Variants in ZNF536 observed in about 807,000 individuals in gnomAD.
The protein encoded by ZNF536 is zinc finger protein 536.
A neutral mutation model predicts 84.5 loss-of-function variants in ZNF536; 13 were observed. The ratio of observed to expected loss-of-function variants is 0.15; its 90% CI spans 0.10 to 0.24. ZNF536 has a LOEUF of 0.24. Among genes scored for constraint, ZNF536 ranks in the 10% least tolerant of loss-of-function variants. ZNF536 has a pLI of 1.00. For missense variants in ZNF536, 1,536 were observed against 1,747.5 expected (o/e 0.88, Z 2.16); for synonymous variants, 811 against 742.5 (o/e 1.09, Z -1.50).
chr19:30,553,939 A>T (rs2045873814), intron 4 of ZNF536: 1 of 152,208 alleles, frequency 6.6e-6, no homozygotes, highest in Non-Finnish European at 1.5e-5. Flanking sequence ...GTGAGGGAGA[A>T]TGCAAGCCCA....
chr19:30,600,462 G>A (rs549240370), intron 1 of ZNF536, among the ~76,000 whole-genome samples: 5 of 152,288 alleles, frequency 3.3e-5, no homozygotes, highest in African/African-American at 4.8e-5. Flanking sequence ...CTCAAGGCCA[G>A]AGCTAAGGAG....
chr19:30,669,713 A>T (rs1398449551), intron 1 of ZNF536, among the ~76,000 whole-genome samples: 1 of 152,224 alleles, frequency 6.6e-6, no homozygotes, highest in Non-Finnish European at 1.5e-5. Flanking sequence ...GAGGGCACCA[A>T]CTGACAAACA....
intron 1 of ZNF536, among the ~76,000 whole-genome samples, chr19:30,259,457 G>T (rs1361408254): frequency 6.6e-6 from 1 of 152,200 alleles, no homozygotes; most frequent in Non-Finnish European, 1.5e-5. Flanking sequence ...CAAATCCCGG[G>T]CCTCACCCCA....
rs2148199118 is a variant in ZNF536, at chr19:30,444,804, C to T, written c.1242C>T (p.Pro414=). ...KSPSDPEVPV[P]MGGMSQEAHA... ...CCAGCGACCCCGAGGTGCCTGTGCCCATGGGCGGCATGTCCCAGGAGGCCC... is the reference window on the plus strand; with the variant it reads ...CCAGCGACCCCGAGGTGCCTGTGCCTATGGGCGGCATGTCCCAGGAGGCCC... Residue 414 remains proline (P), a synonymous_variant, in exon 2 of 5, where the codon CCC becomes CCT. Transcript: ENST00000355537. The T allele has an allele frequency of 1.2e-6, 2 of 1,613,922 alleles. No individual in the cohort carries two copies. Among genetic ancestry groups the T allele is most frequent in the Non-Finnish European group, 1.7e-6 (2 of 1,180,040 alleles).
intron 1 of ZNF536, among the ~76,000 whole-genome samples, chr19:30,602,262 T>A (rs775710979): frequency 6.6e-6 from 1 of 152,208 alleles, no homozygotes; most frequent in African/African-American, 2.4e-5. Flanking sequence ...CACATCCTCA[T>A]TGGATGTCTG....
chr19:30,580,218 G>A (rs1382537571), intron 1 of ZNF536, among the ~76,000 whole-genome samples: 2 of 152,188 alleles, frequency 1.3e-5, no homozygotes, highest in African/African-American at 2.4e-5. Flanking sequence ...GAGAGCCCCG[G>A]GCTGGGGACC....
chr19:30,493,740 C>T (rs2054603476), intron 2 of ZNF536, among the ~76,000 whole-genome samples: 1 of 152,170 alleles, frequency 6.6e-6, no homozygotes, highest in Admixed American at 6.5e-5. Context: ...ATGTTGAGGT[C>T]TCTCACGTTC....
intron 1 of ZNF536, among the ~76,000 whole-genome samples, chr19:30,592,528 C>A (rs931182741): frequency 3.3e-5 from 5 of 152,126 alleles, no homozygotes; most frequent in Non-Finnish European, 5.9e-5. Flanking sequence ...GCTAAAGATG[C>A]AGATTATCAG....
chr19:30,396,564 G>C (rs1419176015), intron 1 of ZNF536, among the ~76,000 whole-genome samples: 1 of 148,984 alleles, frequency 6.7e-6, no homozygotes, highest in Non-Finnish European at 1.5e-5. Context: ...GATGTGTCCT[G>C]CCTCCATTTG....
At chr19:30,363,498 G>A (rs950655950) in intron 3 of ZNF536, among the ~76,000 whole-genome samples, 6 of 151,982 alleles carry the variant, frequency 3.9e-5, no homozygotes, top group Admixed American at 2.0e-4. Flanking sequence ...CACAGAGCCT[G>A]GCTACTCTAC....
intron 1 of ZNF536, among the ~76,000 whole-genome samples, chr19:30,432,986 C>G (rs998567755): frequency 2.0e-5 from 3 of 152,260 alleles, no homozygotes; most frequent in Admixed American, 2.0e-4. Flanking sequence ...TATGTTCTTC[C>G]TCTGTTAAGA....
intron 1 of ZNF536, among the ~76,000 whole-genome samples, chr19:30,679,508 G>C (rs1018867484): frequency 5.9e-5 from 9 of 152,180 alleles, no homozygotes; most frequent in South Asian, 2.1e-4. Context: ...GAGGGTGCAG[G>C]GCTCTGTGCA....
Position 30,404,553 on chromosome 19 carries a change from G to A in ZNF536, c.-3+31997G>A, listed in dbSNP as rs575715820. On this transcript the variant is annotated intron_variant, in intron 1 of 4. Coordinates refer to ENST00000355537, the MANE Select transcript of ZNF536 (RefSeq NM_014717.3). ...GAATATGATAGTAGTAAAACTCACT[G>A]ATAGAGTTTGAGAATTATGTGAAGG... Among the ~76,000 whole-genome samples the A allele has an allele frequency of 2.1e-3, 313 of 152,272 alleles. 2 individuals carry two copies. The highest frequency in any genetic ancestry group is 7.1e-3 in the African/African-American group (293 of 41,520).
At chr19:30,628,470 C>A (rs111707299) in intron 1 of ZNF536, among the ~76,000 whole-genome samples, 2,335 of 151,658 alleles carry the variant, frequency 0.015, 64 homozygotes, top group African/African-American at 0.055. Flanking sequence ...GCTCTGTCGC[C>A]CAGGCTGGAG....
At position 30,444,831 on chromosome 19, in the gene ZNF536, C is replaced by T. The variant is rs140925588; in HGVS notation, c.1269C>T (p.His423=). 31 of 1,613,640 alleles carry T rather than the reference C, an allele frequency of 1.9e-5. No homozygotes were observed. Among genetic ancestry groups the T allele is most frequent in the Non-Finnish European group, 2.5e-5 (30 of 1,180,038 alleles). The part of the protein sequence containing the change: ...VPMGGMSQEA[H]ANLYSRYLSC... ...TGGGCGGCATGTCCCAGGAGGCCCA[C>T]GCCAACCTGTACTCCAGGTACCTCT... Residue 423 remains histidine, a synonymous_variant, in exon 2 of 5, where the codon CAC becomes CAT. Coordinates refer to ENST00000355537, the MANE Select transcript of ZNF536 (RefSeq NM_014717.3).
chr19:30,433,541 A>G (rs919379393), intron 1 of ZNF536, among the ~76,000 whole-genome samples: 3 of 152,178 alleles, frequency 2.0e-5, no homozygotes, highest in African/African-American at 4.8e-5. Context: ...CTTGTTGCCC[A>G]GGCTGGAGTG....
chr19:30,355,268 G>A lies in ZNF536; in HGVS notation c.-3+2784G>A, dbSNP rs556101368. On this transcript the variant is annotated intron_variant, in intron 3 of 5. Transcript: ENST00000585628. ...AGAGAGGCGGCGAGGGAAGGGGTGG[G>A]GGAGGTCCCAGACTCTTTTAAACAA... Among the ~76,000 whole-genome samples the A allele has an allele frequency of 3.3e-4, 50 of 152,166 alleles. 1 individual carries two copies. In the South Asian group the frequency reaches 0.01, roughly 32 times the overall value.
Position 30,336,065 on chromosome 19 carries a change from G to A in ZNF536, c.-119-16303G>A, listed in dbSNP as rs529589866. Among the ~76,000 whole-genome samples the A allele has an allele frequency of 2.0e-5, 3 of 152,316 alleles. No homozygotes were observed. The East Asian group carries it at 5.8e-4, about 29-fold the overall frequency. On this transcript the variant is annotated intron_variant, in intron 2 of 5. Transcript: ENST00000585628. ...AATTCGGTTCAGTTCTAGAGGGAGAGCTACAGGTAAACAAGGGAGGAGGTG... is the reference window on the plus strand; with the variant it reads ...AATTCGGTTCAGTTCTAGAGGGAGAACTACAGGTAAACAAGGGAGGAGGTG...
chr19:30,326,701 G>A (rs11665942), intron 2 of ZNF536, among the ~76,000 whole-genome samples: 57,113 of 149,860 alleles, frequency 0.38, 10,967 homozygotes, highest in Middle Eastern at 0.48. Context: ...CCCATCTCTG[G>A]CACAAAGAAG....
Sources: allele counts gnomAD v4.1 joint callset (sites outside exome capture counted in the v4.1 genomes callset), GRCh38; gene constraint gnomAD v4.1.1; transcripts MANE v1.5; gene names NCBI Gene and HGNC (gene_info 2026-07-23, HGNC 2026-07-21).